The following PDE4D variants were observed in gnomAD, a reference collection of about 807,000 sequenced individuals.
PDE4D encodes the protein 3',5'-cyclic-AMP phosphodiesterase 4D.
A neutral mutation model predicts 87.4 loss-of-function variants in PDE4D; 24 were observed. The ratio of observed to expected loss-of-function variants is 0.27; its 90% CI spans 0.20 to 0.39. The LOEUF is 0.39. Ranked by LOEUF, PDE4D falls within the 10% of genes least tolerant of loss-of-function variation. The probability of loss-of-function intolerance (pLI) is 1.00; values close to 1 mark genes in which losing one functional copy is unlikely to be tolerated. For missense variants in PDE4D, 714 were observed against 1,041.0 expected (o/e 0.69, Z 4.32); for synonymous variants, 384 against 383.2 (o/e 1.00, Z -0.02).
At chr5:60,386,443 G>A (rs1762197992) in intron 1 of PDE4D, among the ~76,000 whole-genome samples, 1 of 152,198 alleles carries the variant, frequency 6.6e-6, no homozygotes, top group Admixed American at 6.5e-5. Flanking sequence ...GTGCCTGACA[G>A]TGAGCTGCCT....
At chr5:60,359,204 C>T (rs553198471) in intron 1 of PDE4D, among the ~76,000 whole-genome samples, 38 of 152,170 alleles carry the variant, frequency 2.5e-4, no homozygotes, top group Non-Finnish European at 5.6e-4. Context: ...TTCAGGAGTT[C>T]GAGACCAGCC....
At chr5:60,329,336 C>G (rs1280130205) in intron 1 of PDE4D, among the ~76,000 whole-genome samples, 1 of 152,140 alleles carries the variant, frequency 6.6e-6, no homozygotes, top group Non-Finnish European at 1.5e-5. Flanking sequence ...CCCTGCTTCG[C>G]TCAGCACTTC....
intron 3 of PDE4D, among the ~76,000 whole-genome samples, chr5:59,971,098 A>G (rs1464071812): frequency 1.3e-5 from 2 of 151,310 alleles, no homozygotes; most frequent in Admixed American, 1.3e-4. Flanking sequence ...TCAGTAAACT[A>G]TCGCAAGAAC....
intron 1 of PDE4D, among the ~76,000 whole-genome samples, chr5:60,317,283 T>G (rs575301783): frequency 6.6e-6 from 1 of 152,338 alleles, no homozygotes; most frequent in African/African-American, 2.4e-5. Context: ...ATAGAGGTGT[T>G]TATAGTATTC....
chr5:59,524,321 G>A (rs1315707315), intron 1 of PDE4D, among the ~76,000 whole-genome samples: 1 of 152,174 alleles, frequency 6.6e-6, no homozygotes, highest in African/African-American at 2.4e-5. Flanking sequence ...GAACAATGAC[G>A]TCCAGGCTGA....
exon 2 of PDE4D, chr5:60,185,657 G>T: frequency 9.0e-7 from 1 of 1,110,646 alleles, no homozygotes. Flanking sequence ...TGATCTCACT[G>T]CACGTATCCA....
At chr5:60,410,362 T>A (rs1337997141) in intron 1 of PDE4D, among the ~76,000 whole-genome samples, 2 of 151,442 alleles carry the variant, frequency 1.3e-5, no homozygotes, top group Non-Finnish European at 1.5e-5. Flanking sequence ...ATACCAGACA[T>A]CATCTTGGAG....
At chr5:59,979,655 T>C (rs1160574912) in intron 3 of PDE4D, among the ~76,000 whole-genome samples, 1 of 152,162 alleles carries the variant, frequency 6.6e-6, no homozygotes, top group Non-Finnish European at 1.5e-5. Flanking sequence ...TCAAACAACA[T>C]AACTAAATAG....
intron 2 of PDE4D, among the ~76,000 whole-genome samples, chr5:59,213,181 A>G (rs962540541): frequency 1.4e-5 from 2 of 144,408 alleles, no homozygotes; most frequent in Non-Finnish European, 3.0e-5. Context: ...TTTTTTCCAG[A>G]CACAGTCTTG....
At chr5:59,318,642 G>C (rs537743180) in intron 1 of PDE4D, among the ~76,000 whole-genome samples, 15 of 152,194 alleles carry the variant, frequency 9.9e-5, no homozygotes, top group African/African-American at 3.4e-4. Context: ...AGACAGATTA[G>C]AATTTATGGA....
chr5:60,492,136 A>G (rs1019149161), upstream of PDE4D, among the ~76,000 whole-genome samples: 8 of 152,082 alleles, frequency 5.3e-5, no homozygotes, highest in South Asian at 4.1e-4. Flanking sequence ...AAAAAAAAAA[A>G]AAAAGAAAAT....
At chr5:59,298,113 C>CTTTT (rs759820053) in intron 1 of PDE4D, among the ~76,000 whole-genome samples, 1,314 of 112,930 alleles carry the variant, frequency 0.012, 20 homozygotes, top group Non-Finnish European at 0.019. Flanking sequence ...ACAAGTGAAA[C>CTTTT]TTTTTTTTTT....
intron 1 of PDE4D, among the ~76,000 whole-genome samples, chr5:59,652,407 CCACATAAGCATTCA>C (rs546549960): frequency 5.8e-4 from 89 of 152,316 alleles, no homozygotes; most frequent in African/African-American, 2.0e-3. Flanking sequence ...TGATAGAATG[CCACATAAGCATTCA>C]CACATATCAG....
chr5:59,660,509 T>C (rs1745065056), intron 1 of PDE4D, among the ~76,000 whole-genome samples: 1 of 152,220 alleles, frequency 6.6e-6, no homozygotes, highest in African/African-American at 2.4e-5. Flanking sequence ...ATTTATTTTC[T>C]AAAATTGAAG....
At chr5:60,341,613 C>CT (rs1419375768) in intron 1 of PDE4D, among the ~76,000 whole-genome samples, 1 of 146,520 alleles carries the variant, frequency 6.8e-6, no homozygotes, top group Admixed American at 7.1e-5. Flanking sequence ...AACACAGCAC[C>CT]TTTCATACTT....
intron 3 of PDE4D, among the ~76,000 whole-genome samples, chr5:59,979,435 T>TGTGTGTGTGTGTGTGC (rs1285205070): frequency 6.6e-6 from 1 of 151,764 alleles, no homozygotes; most frequent in African/African-American, 2.4e-5. Flanking sequence ...TGTGTGTGTG[T>TGTGTGTGTGTGTGTGC]GTGTGTGTTT....
At chr5:59,713,182 A>T (rs1003805327) in intron 1 of PDE4D, among the ~76,000 whole-genome samples, 4 of 152,232 alleles carry the variant, frequency 2.6e-5, no homozygotes, top group Non-Finnish European at 5.9e-5. Context: ...GGAAAAAATA[A>T]TTAAAACAAT....
chr5:59,535,816 T>G (rs897931845), intron 1 of PDE4D, among the ~76,000 whole-genome samples: 6 of 152,168 alleles, frequency 3.9e-5, no homozygotes, highest in Non-Finnish European at 5.9e-5. Context: ...TCAACACCCA[T>G]TTTGAGGGGG....
intron 1 of PDE4D, among the ~76,000 whole-genome samples, chr5:59,881,172 A>G (rs1393690144): frequency 1.3e-5 from 2 of 152,196 alleles, no homozygotes; most frequent in East Asian, 1.9e-4. Flanking sequence ...GTCATGCAGA[A>G]CTACCAGATG....
Sources: allele counts gnomAD v4.1 joint callset (sites outside exome capture counted in the v4.1 genomes callset), GRCh38; gene constraint gnomAD v4.1.1; transcripts MANE v1.5; gene names NCBI Gene and HGNC (gene_info 2026-07-23, HGNC 2026-07-21).